Variants in IGF1R observed in about 807,000 individuals in gnomAD.
IGF1R encodes insulin like growth factor 1 receptor.
In IGF1R, 44 loss-of-function variants were observed where a neutral mutation model predicts 144.6. The ratio of observed to expected loss-of-function variants is 0.30; its 90% CI spans 0.24 to 0.39. The LOEUF is 0.39. Among genes scored for constraint, IGF1R ranks in the 10% least tolerant of loss-of-function variants. The pLI is 1.00. For synonymous variants in IGF1R, 795 were observed against 722.8 expected (o/e 1.10, Z -1.60); for missense variants, 1,355 against 1,833.7 (o/e 0.74, Z 4.77).
At chr15:98,821,408 A>G (rs2056799973) in intron 2 of IGF1R, among the ~76,000 whole-genome samples, 2 of 152,180 alleles carry the variant, frequency 1.3e-5, no homozygotes, top group Admixed American at 1.3e-4. Context: ...GTTAATAGTA[A>G]GTAGACCGTG....
intron 1 of IGF1R, among the ~76,000 whole-genome samples, chr15:98,675,441 T>C (rs1455315699): frequency 6.6e-6 from 1 of 152,234 alleles, no homozygotes; most frequent in Admixed American, 6.5e-5. Flanking sequence ...TAGATAAATA[T>C]TGCCAAAATA....
In IGF1R at chr15:98,788,054, CTCTCTCTCTGTG is replaced by C. The variant is rs753619993; in HGVS notation, c.640+79949_640+79960del. On this transcript the variant is annotated intron_variant, in intron 2 of 20. Coordinates refer to ENST00000650285, the MANE Select transcript of IGF1R (RefSeq NM_000875.5). ...TAGGGATCTCTCTCTCTCTCTCTCT[CTCTCTCTCTGTG>C]TGTGTGTGTGTGTGTGTGTGTGTGT... Among the ~76,000 whole-genome samples, 110 of 142,368 alleles carry C rather than the reference CTCTCTCTCTGTG, an allele frequency of 7.7e-4. 1 individual carries two copies. The highest frequency in any genetic ancestry group is 4.1e-3 in the Admixed American group (59 of 14,412). 93.4% of individuals were successfully genotyped at this position (142,368 alleles called of 152,430 possible). A position where few individuals can be genotyped will look rare whatever the true frequency, so the allele number is the denominator to read the frequency against.
chr15:98,679,024 C>G (rs1233152975), intron 1 of IGF1R, among the ~76,000 whole-genome samples: 1 of 151,324 alleles, frequency 6.6e-6, no homozygotes, highest in Non-Finnish European at 1.5e-5. Flanking sequence ...TGGGCTCCAG[C>G]AAGCCTCCCA....
chr15:98,884,683 C>CAAAAA lies in IGF1R; in HGVS notation c.641-6625_641-6621dup, dbSNP rs35707888. On this transcript the variant is annotated intron_variant, in intron 2 of 20. Transcript: ENST00000650285. ...CTGGTGACAGAGTGACACTCCGTCT[C>CAAAAA]AAAAAAAAAAAAAAAAAAAAAGAAA... 7.5e-5 allele frequency among the ~76,000 whole-genome samples: 6 copies of CAAAAA among 80,226 alleles called. 1 individual carries two copies. Among genetic ancestry groups the CAAAAA allele is most frequent in the Non-Finnish European group, 9.3e-5 (4 of 43,030 alleles). The allele number at this position is 80,226 out of a possible 152,430, so 52.6% of individuals were successfully genotyped here. A position where few individuals can be genotyped will look rare whatever the true frequency, so the allele number is the denominator to read the frequency against.
chr15:98,702,577 C>A (rs1409641082), intron 1 of IGF1R, among the ~76,000 whole-genome samples: 1 of 152,182 alleles, frequency 6.6e-6, no homozygotes, highest in African/African-American at 2.4e-5. Context: ...ATCTACCTGC[C>A]TTGGGCTACC....
chr15:98,743,738 C>T (rs2054801169), intron 2 of IGF1R, among the ~76,000 whole-genome samples: 1 of 152,104 alleles, frequency 6.6e-6, no homozygotes, highest in South Asian at 2.1e-4. Context: ...AAAATTCATC[C>T]TGGCCACAGT....
At chr15:98,736,208 T>G (rs1845198740) in intron 2 of IGF1R, among the ~76,000 whole-genome samples, 1 of 152,256 alleles carries the variant, frequency 6.6e-6, no homozygotes, top group Non-Finnish European at 1.5e-5. Context: ...CTGTCGCTGC[T>G]GCTGGTGAAG....
chr15:98,902,011 T>C (rs1319322833), intron 5 of IGF1R, among the ~76,000 whole-genome samples: 1 of 151,972 alleles, frequency 6.6e-6, no homozygotes, highest in Admixed American at 6.6e-5. Context: ...AATAGAGGAG[T>C]GTTAGCAGAG....
At chr15:98,906,582 G>A (rs536099339) in intron 5 of IGF1R, among the ~76,000 whole-genome samples, 2 of 152,230 alleles carry the variant, frequency 1.3e-5, no homozygotes, top group Non-Finnish European at 2.9e-5. Context: ...CAGCAGGTAT[G>A]GATGGGGTCT....
chr15:98,911,559 G>A (rs1403043820), intron 7 of IGF1R, 118 bp downstream of exon 7: 2 of 1,348,796 alleles, frequency 1.5e-6, no homozygotes, highest in Non-Finnish European at 1.1e-6. Context: ...TCCCCAGGGA[G>A]AGCCACGCCA....
At position 98,891,314 on chromosome 15, in the gene IGF1R, T is replaced by A. The variant is rs774544946; in HGVS notation, c.641-11T>A. 6.2e-7 allele frequency: 1 copy of A among 1,604,294 alleles called. No individual in the cohort carries two copies. Among genetic ancestry groups the A allele is most frequent in the East Asian group, 2.2e-5 (1 of 44,842 alleles). On this transcript the variant is annotated splice_polypyrimidine_tract_variant and intron_variant, in intron 2 of 20. Coordinates refer to ENST00000650285, the MANE Select transcript of IGF1R (RefSeq NM_000875.5). This position sits in a 1 kb window ranked among gnomAD's most constrained non-coding sequence, Gnocchi z 4.7. The stretch of plus-strand genomic sequence containing the variant: ...CCCGGTCTCATCTCCGTCTCTCCTC[T>A]CTCTCCACAGTGTGCCCAAGCACGT...
intron 2 of IGF1R, among the ~76,000 whole-genome samples, chr15:98,833,854 A>G (rs2057046068): frequency 6.6e-6 from 1 of 152,226 alleles, no homozygotes; most frequent in Non-Finnish European, 1.5e-5. Context: ...TAAACATGCT[A>G]TCTAGAGGCA....
rs17847196 is a variant in IGF1R at position 98,891,383 on chromosome 15, C to T, written c.699C>T (p.Pro233=). ...CCGAGAACAATGAGTGCTGCCACCC[C>T]GAGTGCCTGGGCAGCTGCAGCGCGC... ...ACTENNECCH[P]ECLGSCSAPD... is the part of the protein sequence containing the mutation. Residue 233 remains proline (P), a synonymous_variant, in exon 3 of 21, where the codon CCC becomes CCT. Transcript: ENST00000650285. The surrounding 1 kb of genome is among the most constrained non-coding windows in gnomAD (Gnocchi z 4.7). The T allele has an allele frequency of 7.1e-5, 114 of 1,612,112 alleles. 2 individuals are homozygous for T. The East Asian group carries it at 1.8e-3, about 25-fold the overall frequency.
intron 5 of IGF1R, among the ~76,000 whole-genome samples, chr15:98,906,655 T>A (rs2014746442): frequency 6.6e-6 from 1 of 152,206 alleles, no homozygotes; most frequent in African/African-American, 2.4e-5. Flanking sequence ...GAAACACACC[T>A]TGTGTTGCAT....
At chr15:98,731,006 G>C (rs2054485241) in intron 2 of IGF1R, among the ~76,000 whole-genome samples, 1 of 152,180 alleles carries the variant, frequency 6.6e-6, no homozygotes, top group Admixed American at 6.5e-5. Context: ...AACCCCATTA[G>C]CTAACTTCCA....
intron 5 of IGF1R, among the ~76,000 whole-genome samples, chr15:98,904,940 G>A (rs2014661654): frequency 6.6e-6 from 1 of 152,168 alleles, no homozygotes; most frequent in Non-Finnish European, 1.5e-5. Flanking sequence ...AAAAGCTCAC[G>A]GTATCCTTTT....
At chr15:98,681,718 ATTAG>A (rs1472200534) in intron 1 of IGF1R, among the ~76,000 whole-genome samples, 1 of 152,132 alleles carries the variant, frequency 6.6e-6, no homozygotes, top group African/African-American at 2.4e-5. Context: ...TACCCTGTGT[ATTAG>A]TTAGTAAAGG....
At chr15:98,794,857 C>A (rs2056202654) in intron 2 of IGF1R, among the ~76,000 whole-genome samples, 1 of 152,186 alleles carries the variant, frequency 6.6e-6, no homozygotes, top group Admixed American at 6.5e-5. Context: ...ATCCCCCGCC[C>A]CTTAACCACT....
At chr15:98,906,137 C>T (rs1368164137) in intron 5 of IGF1R, among the ~76,000 whole-genome samples, 1 of 152,206 alleles carries the variant, frequency 6.6e-6, no homozygotes, top group Non-Finnish European at 1.5e-5. Flanking sequence ...GTCAAATACA[C>T]AGAATTTCAG....
Sources: gnomAD v4.1 joint callset for allele counts (sites outside exome capture counted in the v4.1 genomes callset) on GRCh38, gnomAD v4.1.1 for gene constraint, Gnocchi (gnomAD v3.1) non-coding constraint, MANE v1.5 for transcripts, NCBI Gene and HGNC (gene_info 2026-07-23, HGNC 2026-07-21) for gene names.